Variants in ZMYM2 observed in about 807,000 individuals in gnomAD.
The protein encoded by ZMYM2 is zinc finger MYM-type protein 2.
ZMYM2 carries 56 observed loss-of-function variants against 162.8 expected under a neutral mutation model. The ratio of observed to expected loss-of-function variants is 0.34; its 90% confidence interval spans 0.28 to 0.43. The LOEUF is 0.43. Among genes scored for constraint, ZMYM2 ranks in the 20% least tolerant of loss-of-function variants. The pLI, the probability that ZMYM2 is intolerant of heterozygous loss-of-function variation, is 1.00. For synonymous variants in ZMYM2, 510 were observed against 541.6 expected, an observed-to-expected ratio of 0.94 and a Z score of 0.81; for missense variants, 1,275 against 1,621.8, an observed-to-expected ratio of 0.79 and a Z score of 3.67.
chr13:19,966,132 G>GT (rs1440497638), intron 2 of ZMYM2, among the ~76,000 whole-genome samples: 1 of 142,186 alleles, frequency 7.0e-6, no homozygotes, highest in South Asian at 2.2e-4. Context: ...TTTTGTTTTT[G>GT]TTTTGTTTTG....
the ZMYM2 span, among the ~76,000 whole-genome samples, chr13:19,923,804 G>A: frequency 1.3e-5 from 2 of 151,166 alleles, no homozygotes; most frequent in African/African-American, 4.9e-5. Flanking sequence ...CTGAGTAGCT[G>A]GGATTACAGG....
At chr13:19,957,860 G>T (rs529938025), upstream of ZMYM2, among the ~76,000 whole-genome samples, 107 of 152,328 alleles carry the variant, frequency 7.0e-4, no homozygotes, top group Admixed American at 3.9e-4. Flanking sequence ...GGGGAGCTGC[G>T]TCTGGGTCTC....
intron 7 of ZMYM2, chr13:20,025,397 C>A: frequency 5.5e-6 from 1 of 181,978 alleles, no homozygotes; most frequent in Non-Finnish European, 1.2e-5. Flanking sequence ...GTTTTTATTT[C>A]TACCTTTTTT....
chr13:19,962,513 ATATTTTTTTTT>A (rs1258473732), intron 2 of ZMYM2, among the ~76,000 whole-genome samples: 3 of 59,096 alleles, frequency 5.1e-5, no homozygotes, highest in Non-Finnish European at 1.0e-4. Context: ...ATATATATAT[ATATTTTTTTTT>A]TTTTTTTTTT....
intron 21 of ZMYM2, among the ~76,000 whole-genome samples, chr13:20,072,382 G>C (rs1006012021): frequency 1.3e-5 from 2 of 152,138 alleles, no homozygotes; most frequent in Non-Finnish European, 2.9e-5. Context: ...TTAGCTGGGT[G>C]TAGTGGCGAG....
At chr13:19,970,600 C>CAAAAAAAAAAAAAA (rs11365281) in intron 2 of ZMYM2, among the ~76,000 whole-genome samples, 1 of 88,100 alleles carries the variant, frequency 1.1e-5, no homozygotes, top group Non-Finnish European at 2.3e-5. Flanking sequence ...AACCCCAAAC[C>CAAAAAAAAAAAAAA]AAAAAAAAAA....
At chr13:19,870,002 T>G in the ZMYM2 span, among the ~76,000 whole-genome samples, 1 of 152,116 alleles carries the variant, frequency 6.6e-6, no homozygotes, top group Non-Finnish European at 1.5e-5. Flanking sequence ...TGACTCAGGG[T>G]CTCTCATGAG....
intron 12 of ZMYM2, among the ~76,000 whole-genome samples, chr13:20,039,027 C>CT (rs1442927457): frequency 6.6e-6 from 1 of 151,994 alleles, no homozygotes; most frequent in Non-Finnish European, 1.5e-5. Flanking sequence ...GCATTTTATT[C>CT]TTTTTGTGGC....
At chr13:20,037,179 T>C (rs1953783606) in intron 12 of ZMYM2, among the ~76,000 whole-genome samples, 1 of 151,736 alleles carries the variant, frequency 6.6e-6, no homozygotes, top group South Asian at 2.1e-4. Flanking sequence ...ATTGTTTTTC[T>C]AAAATTTGTT....
the ZMYM2 span, among the ~76,000 whole-genome samples, chr13:19,909,430 C>CT: frequency 8.9e-6 from 1 of 112,346 alleles, no homozygotes; most frequent in African/African-American, 3.0e-5. Context: ...CTGCCTTTTT[C>CT]GTTTTTTTTT....
chr13:19,982,612 A>T (rs1957450062), intron 2 of ZMYM2, among the ~76,000 whole-genome samples: 1 of 152,174 alleles, frequency 6.6e-6, no homozygotes, highest in African/African-American at 2.4e-5. Flanking sequence ...AGGTTGGTGC[A>T]AAAGTAATTG....
chr13:19,915,706 G>GT, the ZMYM2 span, among the ~76,000 whole-genome samples: 4 of 151,722 alleles, frequency 2.6e-5, no homozygotes, highest in East Asian at 7.9e-4. Flanking sequence ...GTTTTGCCAT[G>GT]TTGGCCAGGC....
the ZMYM2 span, among the ~76,000 whole-genome samples, chr13:19,927,065 A>C: frequency 2.6e-5 from 4 of 152,226 alleles, no homozygotes; most frequent in Non-Finnish European, 4.4e-5. Flanking sequence ...GTTCCTGTTT[A>C]AAATTTCAAA....
intron 12 of ZMYM2, among the ~76,000 whole-genome samples, chr13:20,038,205 G>A (rs1162846888): frequency 6.6e-6 from 1 of 152,134 alleles, no homozygotes; most frequent in African/African-American, 2.4e-5. Flanking sequence ...TAGGCATTTA[G>A]GATGACTCTA....
chr13:19,950,015 G>A, the ZMYM2 span, among the ~76,000 whole-genome samples: 1 of 151,798 alleles, frequency 6.6e-6, no homozygotes, highest in Admixed American at 6.6e-5. Flanking sequence ...GCTCACACCC[G>A]TAATTCCAAC....
intron 2 of ZMYM2, among the ~76,000 whole-genome samples, chr13:19,992,677 A>AT (rs547964381): frequency 0.09 from 13,165 of 146,522 alleles, 835 homozygotes; most frequent in African/African-American, 0.18. Context: ...TCAGATTTTG[A>AT]TTTTTTTTTT....
intron 13 of ZMYM2, among the ~76,000 whole-genome samples, chr13:20,051,824 A>C (rs757941073): frequency 6.6e-6 from 1 of 152,140 alleles, no homozygotes; most frequent in Admixed American, 6.5e-5. Context: ...GAAAAGGCAT[A>C]GTTGAGAGTG....
At chr13:19,965,213 T>A (rs765596958) in intron 2 of ZMYM2, 1 of 1,280,238 alleles carries the variant, frequency 7.8e-7, no homozygotes, top group Admixed American at 2.5e-5. Context: ...TTCTTTTTAC[T>A]TTATAGCCAT....
the ZMYM2 span, among the ~76,000 whole-genome samples, chr13:19,884,667 C>T: frequency 6.4e-4 from 97 of 152,262 alleles, no homozygotes; most frequent in African/African-American, 2.2e-3. Context: ...TGCCATAGTT[C>T]TTAAAAGTAG....
Sources: allele counts gnomAD v4.1 joint callset (sites outside exome capture counted in the v4.1 genomes callset), GRCh38; gene constraint gnomAD v4.1.1; transcripts MANE v1.5; gene names NCBI Gene and HGNC (gene_info 2026-07-23, HGNC 2026-07-21).